The following EXOC2 variants were observed in gnomAD, a reference collection of about 807,000 sequenced individuals.
The protein encoded by EXOC2 is SEC5-like 1.
In EXOC2, 70 loss-of-function variants were observed where a neutral mutation model predicts 131.8. That is an observed-to-expected ratio of 0.53 (90% CI 0.44 to 0.65). EXOC2 has a LOEUF of 0.65. EXOC2 is among the 30% of genes least tolerant of loss of function. The pLI is 0.00. For missense variants in EXOC2, 923 were observed against 1,108.6 expected (o/e 0.83, Z 2.38); for synonymous variants, 411 against 398.4 (o/e 1.03, Z -0.38).
Position 555,233 on chromosome 6 carries a change from G to A in EXOC2, c.2048C>T (p.Thr683Ile). The part of the protein sequence containing the change: ...LSTKPDADID[T>I]THLSVDVSSP... ...TAATTTAATTTTTACTTACTGTGTA[G>A]TATCTATATCTGCATCAGGCTTGGT... The change falls in exon 20 of 28, where the codon ACT becomes ATT. Residue 683 changes from threonine to isoleucine, a missense_variant. Thr to Ile is a moderately conservative substitution (Grantham distance 89). Transcript: ENST00000230449. 6.7e-7 allele frequency: 1 copy of A among 1,498,314 alleles called. No homozygotes were observed. The highest frequency in any genetic ancestry group is 9.0e-7 in the Non-Finnish European group (1 of 1,106,374). 92.8% of individuals were successfully genotyped at this position (1,498,314 alleles called of 1,614,324 possible).
chr6:629,780 T>C (rs1487675500), intron 4 of EXOC2, 55 bp downstream of exon 4: 4 of 1,599,356 alleles, frequency 2.5e-6, no homozygotes, highest in East Asian at 4.5e-5. Context: ...TGTAAGTATA[T>C]AAAACTTTTC....
intron 4 of EXOC2, among the ~76,000 whole-genome samples, chr6:624,688 C>T (rs1761461991): frequency 1.3e-5 from 2 of 152,120 alleles, no homozygotes; most frequent in Admixed American, 6.5e-5. Flanking sequence ...AACTACAAAT[C>T]CGTAAAGATG....
At chr6:549,817 T>C (rs1411235915) in intron 21 of EXOC2, among the ~76,000 whole-genome samples, 2 of 152,218 alleles carry the variant, frequency 1.3e-5, no homozygotes, top group Admixed American at 1.3e-4. Context: ...GAATTGCTTG[T>C]GTTTGCAGAA....
chr6:488,955 CT>C, intron 27 of EXOC2, 23 bp downstream of exon 27: 1 of 1,610,412 alleles, frequency 6.2e-7, no homozygotes, highest in South Asian at 1.1e-5. Flanking sequence ...CAACTGGCTC[CT>C]AAGAACAGCA....
chr6:605,883 G>C (rs1455542234), intron 7 of EXOC2, among the ~76,000 whole-genome samples: 1 of 152,200 alleles, frequency 6.6e-6, no homozygotes, highest in African/African-American at 2.4e-5. Context: ...ATGTGTCCCA[G>C]AGATTCTGGT....
chr6:566,571 A>G (rs1036545733), intron 13 of EXOC2, among the ~76,000 whole-genome samples: 5 of 152,372 alleles, frequency 3.3e-5, no homozygotes, highest in African/African-American at 1.2e-4. Flanking sequence ...TGTGAAGACC[A>G]GAATCAGAAC....
chr6:498,288 A>C (rs1363783450), intron 24 of EXOC2, among the ~76,000 whole-genome samples: 1 of 152,174 alleles, frequency 6.6e-6, no homozygotes, highest in Non-Finnish European at 1.5e-5. Context: ...GGCAATTGAT[A>C]ATAGACATTA....
chr6:518,450 A>G (rs1765282640), intron 23 of EXOC2, among the ~76,000 whole-genome samples: 1 of 152,274 alleles, frequency 6.6e-6, no homozygotes, highest in African/African-American at 2.4e-5. Flanking sequence ...CCCTGATGCC[A>G]AACAGCATAG....
rs1763078552 is a variant in EXOC2, at chr6:486,742, T to G, written c.2704A>C (p.Lys902Gln). 1 of 1,613,910 alleles carries G rather than the reference T, an allele frequency of 6.2e-7. No homozygotes were observed. Among genetic ancestry groups the G allele is most frequent in the Admixed American group, 1.7e-5 (1 of 60,004 alleles). The change falls in exon 28 of 28, where the codon AAG (lysine) becomes CAG (glutamine). Residue 902 changes from lysine (K) to glutamine (Q), a missense_variant. Physicochemically the swap from Lys to Gln is moderately conservative, Grantham distance 53. Transcript: ENST00000230449. ...DKKLLEELLNKFKSSMHLQLT... is the reference protein window; with the variant it reads ...DKKLLEELLNQFKSSMHLQLT... ...TGCAAGTGCATGCTACTCTTGAACT[T>G]GTTCAGGAGCTCTTCCAGTAACCTG...
intron 1 of EXOC2, among the ~76,000 whole-genome samples, chr6:654,465 G>A (rs528254008): frequency 9.9e-5 from 15 of 152,268 alleles, no homozygotes; most frequent in African/African-American, 3.4e-4. Flanking sequence ...TTTGGTGGAG[G>A]ATGTCACCGC....
intron 23 of EXOC2, chr6:524,853 C>A (rs973990801): frequency 4.0e-5 from 6 of 149,472 alleles, no homozygotes; most frequent in African/African-American, 1.5e-4. Context: ...ATTTCTGATT[C>A]TTTTTATTCC....
intron 1 of EXOC2, among the ~76,000 whole-genome samples, chr6:654,742 T>C (rs1762983060): frequency 7.4e-6 from 1 of 134,292 alleles, no homozygotes. Flanking sequence ...AGTTTGAAGC[T>C]GCAGTGAGCC....
At chr6:565,171 T>A (rs948299062) in intron 13 of EXOC2, among the ~76,000 whole-genome samples, 4 of 152,228 alleles carry the variant, frequency 2.6e-5, no homozygotes, top group African/African-American at 9.6e-5. Flanking sequence ...AATCCAAGAA[T>A]TAAGTTGAAA....
intron 11 of EXOC2, among the ~76,000 whole-genome samples, chr6:588,319 G>A (rs1328848401): frequency 6.6e-6 from 1 of 152,224 alleles, no homozygotes; most frequent in Non-Finnish European, 1.5e-5. Context: ...CATTAAAACT[G>A]TAAAGTTCAA....
chr6:560,118 G>A (rs902904581), intron 17 of EXOC2, among the ~76,000 whole-genome samples: 1 of 152,152 alleles, frequency 6.6e-6, no homozygotes. Flanking sequence ...TATCATAGTA[G>A]CCCAGTGATC....
At chr6:620,226 G>C (rs1204264815) in intron 4 of EXOC2, among the ~76,000 whole-genome samples, 2 of 152,128 alleles carry the variant, frequency 1.3e-5, no homozygotes, top group African/African-American at 4.8e-5. Context: ...TCCATGCTGG[G>C]ATGCCAGATG....
At chr6:616,472 G>A (rs180747375) in intron 6 of EXOC2, among the ~76,000 whole-genome samples, 1,692 of 151,264 alleles carry the variant, frequency 0.011, 15 homozygotes, top group Non-Finnish European at 0.017. Context: ...GCGCAGTGGC[G>A]GGCGCCTGTA....
Position 564,632 on chromosome 6 carries a change from C to T in EXOC2, c.1580G>A (p.Arg527Gln), listed in dbSNP as rs139082353. 1.1e-5 allele frequency: 17 copies of T among 1,612,942 alleles called. No individual in the cohort carries two copies. Among genetic ancestry groups the T allele is most frequent in the Admixed American group, 5.0e-5 (3 of 59,800 alleles). Residue 527 changes from arginine (R) to glutamine (Q), a missense_variant, in exon 15 of 28, where the codon CGG becomes CAG. Physicochemically the swap from Arg to Gln is conservative, Grantham distance 43. Coordinates refer to ENST00000230449, the MANE Select transcript of EXOC2 (RefSeq NM_018303.6). ...TRGALLPLSIRDGEAKQYGGW... is the reference protein window; with the variant it reads ...TRGALLPLSIQDGEAKQYGGW... ...TCCGTACTGCTTGGCTTCCCCATCC[C>T]GGATGCTGAGGGGAAGCAGGGCTCC...
rs58892194 is a variant in EXOC2 at position 685,869 on chromosome 6, C to CTTTTTT, written c.-44+7144_-44+7149dup. On this transcript the variant is annotated intron_variant, in intron 1 of 27. Coordinates refer to ENST00000230449, the MANE Select transcript of EXOC2 (RefSeq NM_018303.6). Reference sequence around the variant, plus strand: ...TAATGTATCCTGCTTTCCTGGACCTCTTTTTTTTTTTTTTTTTTTTTTTTG... The same window carrying CTTTTTT: ...TAATGTATCCTGCTTTCCTGGACCTCTTTTTTTTTTTTTTTTTTTTTTTTTTTTTTG... 2.4e-4 allele frequency among the ~76,000 whole-genome samples: 24 copies of CTTTTTT among 98,238 alleles called. 3 individuals are homozygous for CTTTTTT. Among genetic ancestry groups the CTTTTTT allele is most frequent in the African/African-American group, 9.2e-4 (23 of 25,018 alleles). 64.4% of individuals were successfully genotyped at this position (98,238 alleles called of 152,430 possible).
Sources: allele counts gnomAD v4.1 joint callset (sites outside exome capture counted in the v4.1 genomes callset), GRCh38; gene constraint gnomAD v4.1.1; transcripts MANE v1.5; gene names NCBI Gene and HGNC (gene_info 2026-07-23, HGNC 2026-07-21).